EFHD1: variants seen among roughly 807,000 people sequenced by gnomAD.
The protein encoded by EFHD1 is EF-hand domain-containing protein D1.
In EFHD1, 10 loss-of-function variants were observed where a neutral mutation model predicts 17.2. The ratio of observed to expected loss-of-function variants is 0.58; its 90% CI spans 0.36 to 0.99. The LOEUF is 0.99. Among genes scored for constraint, EFHD1 ranks in the 50% least tolerant of loss-of-function variants. The pLI is 0.01. For missense variants in EFHD1, 310 were observed against 327.5 expected, an observed-to-expected ratio of 0.95 and a Z score of 0.41; for synonymous variants, 153 against 142.0, an observed-to-expected ratio of 1.08 and a Z score of -0.55.
In EFHD1 at chr2:232,672,427, A is replaced by T. The variant is rs762925612; in HGVS notation, c.569A>T (p.Asn190Ile). Residue 190 changes from asparagine (N) to isoleucine (I), a missense_variant, in exon 3 of 4, where the codon AAC becomes ATC. Transcript: ENST00000264059. ...CTGGAGGGTGTCAAAGGTGCCAAGA[A>T]CTTCTTTGAAGCCAAGGTAGGTGCT... ...VALEGVKGAK[N>I]FFEAKVQALS... The T allele has an allele frequency of 2.1e-5, 33 of 1,603,920 alleles. No individual in the cohort carries two copies. In the South Asian group the frequency reaches 2.5e-4, roughly 12 times the overall value.
intron 2 of EFHD1, among the ~76,000 whole-genome samples, chr2:232,668,633 A>ATTAT (rs1361529034): frequency 1.3e-5 from 2 of 151,720 alleles, no homozygotes; most frequent in African/African-American, 2.4e-5. Context: ...TTATTATTTT[A>ATTAT]TTATTTATTT....
At chr2:232,613,637 CACACACAT>C (rs1386860323) in intron 1 of EFHD1, among the ~76,000 whole-genome samples, 2 of 80,114 alleles carry the variant, frequency 2.5e-5, no homozygotes, top group Admixed American at 2.5e-4. Flanking sequence ...CACACATATA[CACACACAT>C]ACACACACAC....
chr2:232,631,278 C>CTCTT (rs551390119), upstream of EFHD1, among the ~76,000 whole-genome samples: 520 of 151,594 alleles, frequency 3.4e-3, 1 homozygote, highest in African/African-American at 0.011. Context: ...CTCTCTCTCT[C>CTCTT]TCTTTCTTTC....
At chr2:232,645,811 C>A (rs1694516373) in intron 1 of EFHD1, among the ~76,000 whole-genome samples, 1 of 152,190 alleles carries the variant, frequency 6.6e-6, no homozygotes, top group Non-Finnish European at 1.5e-5. Flanking sequence ...CACAGAGAAG[C>A]CAGGGAACTC....
At chr2:232,673,542 C>A (rs561842352) in intron 3 of EFHD1, among the ~76,000 whole-genome samples, 1 of 152,266 alleles carries the variant, frequency 6.6e-6, no homozygotes, top group African/African-American at 2.4e-5. Context: ...CCTGAACGCC[C>A]TACCCAAATG....
chr2:232,626,325 C>T (rs1694103075), intron 1 of EFHD1, among the ~76,000 whole-genome samples: 1 of 152,080 alleles, frequency 6.6e-6, no homozygotes. Context: ...GCAGGCGGAT[C>T]ACTTGAGATC....
chr2:232,634,119 AG>A lies in EFHD1; in HGVS notation c.302+114del. On this transcript the variant is annotated intron_variant, in intron 1 of 3. Transcript: ENST00000264059. ...TGGGGAGGGGTCCCGGGGTGCAGGT[AG>A]CATTTGGCCCAACGCAGCCAGATCT... 5 of 1,479,956 alleles carry A rather than the reference AG, an allele frequency of 3.4e-6. No homozygotes were observed. In the South Asian group the frequency reaches 6.6e-5, roughly 20 times the overall value. The allele number at this position is 1,479,956 out of a possible 1,614,324, so 91.7% of individuals were successfully genotyped here.
intron 1 of EFHD1, among the ~76,000 whole-genome samples, chr2:232,645,260 C>T (rs900798664): frequency 3.3e-5 from 5 of 152,184 alleles, no homozygotes; most frequent in African/African-American, 1.2e-4. Flanking sequence ...CGCCTCAGCC[C>T]CCTGCCACGG....
chr2:232,614,084 T>TGC (rs1179788985), intron 1 of EFHD1, among the ~76,000 whole-genome samples: 10 of 148,464 alleles, frequency 6.7e-5, no homozygotes, highest in East Asian at 2.0e-4. Flanking sequence ...TATACACACA[T>TGC]ATATACACAC....
intron 1 of EFHD1, among the ~76,000 whole-genome samples, chr2:232,643,190 T>TG (rs1387858740): frequency 6.7e-6 from 1 of 149,448 alleles, no homozygotes; most frequent in East Asian, 2.0e-4. Flanking sequence ...CAGCTAGAAG[T>TG]GAAAAAAAAA....
At chr2:232,653,932 C>T (rs1052100729) in intron 1 of EFHD1, among the ~76,000 whole-genome samples, 5 of 152,114 alleles carry the variant, frequency 3.3e-5, no homozygotes, top group Admixed American at 3.3e-4. Flanking sequence ...TGGGGCCAGG[C>T]CCGGTGGCTC....
chr2:232,638,530 C>T (rs1345521228), intron 1 of EFHD1: 4 of 460,256 alleles, frequency 8.7e-6, no homozygotes, highest in Middle Eastern at 7.8e-4. Context: ...CTCTCCTCTC[C>T]CAGTTTCTTT....
At position 232,615,718 on chromosome 2, in the gene EFHD1, G is replaced by A. The variant is rs546289682; in HGVS notation, c.14+9545G>A. On this transcript the variant is annotated intron_variant, in intron 1 of 3. Coordinates refer to the EFHD1 transcript ENST00000409613. The stretch of plus-strand genomic sequence containing the variant: ...TTTTTTTTTTTTGAGACGAGGTTTC[G>A]CTCTTGTTGCCCAGGCTGGAGTGCA... 5.4e-5 allele frequency among the ~76,000 whole-genome samples: 6 copies of A among 111,588 alleles called. No homozygotes were observed. The South Asian group carries it at 8.0e-4, about 15-fold the overall frequency. 73.2% of individuals were successfully genotyped at this position (111,588 alleles called of 152,430 possible). A position where few individuals can be genotyped will look rare whatever the true frequency, so the allele number is the denominator to read the frequency against.
intron 1 of EFHD1, among the ~76,000 whole-genome samples, chr2:232,641,123 A>G (rs920300048): frequency 8.6e-5 from 13 of 151,894 alleles, no homozygotes; most frequent in Admixed American, 6.6e-5. Flanking sequence ...GTCCACTGCA[A>G]CCTCCACCTC....
chr2:232,667,469 GTCC>G (rs1467550304), intron 2 of EFHD1, among the ~76,000 whole-genome samples: 2 of 152,096 alleles, frequency 1.3e-5, no homozygotes, highest in African/African-American at 4.8e-5. Context: ...CCCAGTTCCA[GTCC>G]TCCTCCAGGC....
intron 1 of EFHD1, among the ~76,000 whole-genome samples, chr2:232,613,793 T>C (rs879852169): frequency 1.5e-5 from 2 of 135,640 alleles, no homozygotes; most frequent in Non-Finnish European, 1.6e-5. Context: ...CACACACATA[T>C]ACACACAAAA....
chr2:232,636,006 G>A (rs1694312271), intron 1 of EFHD1, among the ~76,000 whole-genome samples: 1 of 152,192 alleles, frequency 6.6e-6, no homozygotes, highest in Non-Finnish European at 1.5e-5. Flanking sequence ...AGCTTCAGGT[G>A]TGGCTGGATC....
intron 1 of EFHD1, among the ~76,000 whole-genome samples, chr2:232,613,529 C>A (rs1360043828): frequency 6.6e-6 from 1 of 151,964 alleles, no homozygotes; most frequent in Non-Finnish European, 1.5e-5. Flanking sequence ...CCAATGCTCA[C>A]CATGAATAAT....
rs1181063897 is a variant in EFHD1, at chr2:232,666,142, G to GGAAAAAAA, written c.450+3193_450+3194insGAAAAAAA. On this transcript the variant is annotated intron_variant, in intron 2 of 3. Transcript: ENST00000264059. Reference sequence around the variant, plus strand: ...CCCTTGCTTCTATAAATCAGCTCCAGAATCTTCCACCTTTGCTGAACCTGA... The same window carrying GGAAAAAAA: ...CCCTTGCTTCTATAAATCAGCTCCAGGAAAAAAAAATCTTCCACCTTTGCTGAACCTGA... Among the ~76,000 whole-genome samples the GGAAAAAAA allele has an allele frequency of 5.3e-5, 8 of 152,206 alleles. 1 individual carries two copies. The highest frequency in any genetic ancestry group is 5.2e-4 in the Admixed American group (8 of 15,274).
Sources: gnomAD v4.1 joint callset for allele counts (sites outside exome capture counted in the v4.1 genomes callset) on GRCh38, gnomAD v4.1.1 for gene constraint, MANE v1.5 for transcripts, NCBI Gene and HGNC (gene_info 2026-07-23, HGNC 2026-07-21) for gene names.